PLPPR3: variants seen among roughly 807,000 people sequenced by gnomAD.
PLPPR3 encodes phospholipid phosphatase related 3, also known as phospholipid phosphatase-related protein type 3.
A neutral mutation model predicts 27.3 loss-of-function variants in PLPPR3; 14 were observed. That is an observed-to-expected ratio of 0.51 (90% confidence interval 0.34 to 0.80). PLPPR3 has a LOEUF of 0.80. Ranked by LOEUF, PLPPR3 falls within the 30% of genes least tolerant of loss-of-function variation. The pLI, the probability that PLPPR3 is intolerant of heterozygous loss-of-function variation, is 0.01. For synonymous variants in PLPPR3, 671 were observed against 508.0 expected (o/e 1.32, Z -4.32); for missense variants, 1,287 against 1,056.9 (o/e 1.22, Z -3.02).
intron 2 of PLPPR3, among the ~76,000 whole-genome samples, chr19:820,821 C>A (rs1013450687): frequency 4.0e-5 from 6 of 151,770 alleles, no homozygotes; most frequent in East Asian, 3.9e-4. Context: ...CAGTGCCCAG[C>A]CTAATTTTTG....
Position 813,008 on chromosome 19 carries a change from C to T in PLPPR3, c.1719G>A (p.Ser573=), listed in dbSNP as rs746419767. 24 of 1,516,326 alleles carry T rather than the reference C, an allele frequency of 1.6e-5. No individual in the cohort carries two copies. Among genetic ancestry groups the T allele is most frequent in the Non-Finnish European group, 2.0e-5 (23 of 1,139,768 alleles). 93.9% of individuals were successfully genotyped at this position (1,516,326 alleles called of 1,614,324 possible). The part of the protein sequence containing the change: ...SSDSSQYRSP[S]DRDSASIVTI... ...TCACGATGCTGGCGGAGTCGCGGTC[C>T]GACGGCGACCGGTACTGCGAGGAGT... Residue 573 remains serine, a synonymous_variant, in exon 8 of 8, where the codon TCG becomes TCA. Transcript: ENST00000520876. The surrounding 1 kb of genome is among the most constrained non-coding windows in gnomAD (Gnocchi z 4.1).
At chr19:819,854 T>C (rs2145082168) in intron 2 of PLPPR3, among the ~76,000 whole-genome samples, 1 of 152,210 alleles carries the variant, frequency 6.6e-6, no homozygotes, top group Middle Eastern at 3.4e-3. Flanking sequence ...AGTTATTTTA[T>C]TTTTTGAGAT....
upstream of PLPPR3, among the ~76,000 whole-genome samples, chr19:822,348 G>T (rs2035161735): frequency 1.3e-5 from 2 of 151,568 alleles, no homozygotes; most frequent in African/African-American, 2.4e-5. Flanking sequence ...TGTCTCTCAC[G>T]GTCTCTCGCC....
intron 2 of PLPPR3, among the ~76,000 whole-genome samples, chr19:821,282 C>A (rs1037027507): frequency 6.6e-6 from 1 of 151,084 alleles, no homozygotes; most frequent in Non-Finnish European, 1.5e-5. Context: ...CCTGGACCCC[C>A]CTCGGTTCCT....
chr19:816,805 CCCATCCAT>C (rs146319967), intron 2 of PLPPR3, among the ~76,000 whole-genome samples: 3 of 148,030 alleles, frequency 2.0e-5, no homozygotes, highest in East Asian at 2.0e-4. Flanking sequence ...CCCAACAGTA[CCCATCCAT>C]CCATCCATCC....
chr19:818,214 C>A (rs1052727618), intron 2 of PLPPR3, among the ~76,000 whole-genome samples: 10 of 152,072 alleles, frequency 6.6e-5, no homozygotes, highest in Non-Finnish European at 1.2e-4. Flanking sequence ...GAAACCCCAT[C>A]TCTACTAAAA....
intron 2 of PLPPR3, among the ~76,000 whole-genome samples, chr19:819,507 C>G (rs540638564): frequency 1.3e-5 from 2 of 151,958 alleles, no homozygotes; most frequent in East Asian, 3.9e-4. Context: ...CCAGGCTGGT[C>G]TCGAACTCCT....
chr19:814,513 G>C lies in PLPPR3; in HGVS notation c.752C>G (p.Thr251Arg), dbSNP rs780246897. 2 of 1,611,298 alleles carry C rather than the reference G, an allele frequency of 1.2e-6. No homozygotes were observed. The highest frequency in any genetic ancestry group is 1.7e-6 in the Non-Finnish European group (2 of 1,179,910). Residue 251 changes from threonine to arginine, a missense_variant, in exon 7 of 8, where the codon ACG (threonine) becomes AGG (arginine). Thr to Arg is a moderately conservative substitution (Grantham distance 71). Transcript: ENST00000520876. The part of the protein sequence containing the change: ...FAIAAGVCGL[T>R]QITQYRSHPV... ...GTGGCTGCGGTACTGCGTGATCTGC[G>C]TGAGCCCGCATACGCCCGCGGCGAT...
At chr19:818,428 C>A (rs187838904) in intron 2 of PLPPR3, among the ~76,000 whole-genome samples, 1 of 152,000 alleles carries the variant, frequency 6.6e-6, no homozygotes, top group Non-Finnish European at 1.5e-5. Flanking sequence ...AGGCCGACCG[C>A]AGTGGCTCAC....
rs775914929 is a variant in PLPPR3 at position 812,601 on chromosome 19, C to T, written c.2126G>A (p.Arg709His). The T allele has an allele frequency of 1.8e-5, 20 of 1,104,062 alleles. No individual in the cohort carries two copies. The highest frequency in any genetic ancestry group is 3.5e-5 in the African/African-American group (2 of 56,716). The allele number at this position is 1,104,062 out of a possible 1,614,324, so 68.4% of individuals were successfully genotyped here. A position where few individuals can be genotyped will look rare whatever the true frequency, so the allele number is the denominator to read the frequency against. The change falls in exon 8 of 8, where the codon CGC (arginine) becomes CAC (histidine). Residue 709 changes from arginine to histidine, a missense_variant. Coordinates refer to ENST00000520876, the MANE Select transcript of PLPPR3 (RefSeq NM_001270366.2). Reference protein sequence around the residue: ...EAEAEAEGYFRKMQARRFPD With the variant: ...EAEAEAEGYFHKMQARRFPD ...GGGGAAGCGGCGCGCCTGCATCTTG[C>T]GGAAGTAGCCCTCGGCCTCCGCCTC...
At position 813,361 on chromosome 19, in the gene PLPPR3, C is replaced by A; in HGVS notation, c.1366G>T (p.Glu456Ter). ...EEDEEEEEEE[E>*]EEEDEGPAPP... is the part of the protein sequence containing the mutation. Reference sequence around the variant, plus strand: ...GCCGGGCCCTCGTCCTCCTCCTCTTCCTCCTCCTCCTCTTCCTCTTCGTCC... The same window carrying A: ...GCCGGGCCCTCGTCCTCCTCCTCTTACTCCTCCTCCTCTTCCTCTTCGTCC... The change falls in exon 8 of 8, where the codon GAA (glutamate) becomes TAA (stop). Residue 456 changes from glutamate (E) to a stop codon, truncating the protein, a stop_gained. Transcript: ENST00000520876. LOFTEE classifies it low-confidence loss of function (END_TRUNC). The surrounding 1 kb of genome is among the most constrained non-coding windows in gnomAD (Gnocchi z 4.1). 1.4e-6 allele frequency: 2 copies of A among 1,479,928 alleles called. No individual in the cohort carries two copies. The highest frequency in any genetic ancestry group is 1.3e-5 in the South Asian group (1 of 75,928). 91.7% of individuals were successfully genotyped at this position (1,479,928 alleles called of 1,614,324 possible).
At position 812,617 on chromosome 19, in the gene PLPPR3, C is replaced by T. The variant is rs1222126305; in HGVS notation, c.2110G>A (p.Ala704Thr). Residue 704 changes from alanine (A) to threonine (T), a missense_variant, in exon 8 of 8, where the codon GCC becomes ACC. Transcript: ENST00000520876. ...GLAEREAEAE[A>T]EGYFRKMQAR... is the part of the protein sequence containing the mutation. The stretch of plus-strand genomic sequence containing the variant: ...TGCATCTTGCGGAAGTAGCCCTCGG[C>T]CTCCGCCTCCGCCTCGCGCTCCGCC... The T allele has an allele frequency of 1.8e-6, 2 of 1,115,912 alleles. No individual in the cohort carries two copies. The highest frequency in any genetic ancestry group is 2.0e-5 in the South Asian group (1 of 49,084). 69.1% of individuals were successfully genotyped at this position (1,115,912 alleles called of 1,614,324 possible).
upstream of PLPPR3, among the ~76,000 whole-genome samples, chr19:823,120 AAAAC>A (rs34107870): frequency 0.11 from 16,176 of 148,308 alleles, 1,049 homozygotes; most frequent in South Asian, 0.2. Context: ...ACTCTGTCTC[AAAAC>A]AAACAAACAA....
chr19:813,712 C>G lies in PLPPR3; in HGVS notation c.1015G>C (p.Val339Leu). 6.6e-7 allele frequency: 1 copy of G among 1,524,972 alleles called. No homozygotes were observed. Among genetic ancestry groups the G allele is most frequent in the African/African-American group, 1.4e-5 (1 of 72,354 alleles). The allele number at this position is 1,524,972 out of a possible 1,614,324, so 94.5% of individuals were successfully genotyped here. Reference protein sequence around the residue: ...PGRLEGAPRPVAREKTSLGSL... With the variant: ...PGRLEGAPRPLAREKTSLGSL... ...CCCAGCGAGGTCTTCTCGCGGGCCA[C>G]GGGCCGGGGCGCGCCCTCCAGCCGC... Residue 339 changes from valine (V) to leucine (L), a missense_variant, in exon 8 of 8, where the codon GTG becomes CTG. Val to Leu is a conservative substitution (Grantham distance 32, BLOSUM62 1). Transcript: ENST00000520876. This position sits in a 1 kb window ranked among gnomAD's most constrained non-coding sequence, Gnocchi z 4.1.
intron 2 of PLPPR3, among the ~76,000 whole-genome samples, chr19:817,448 A>G (rs1166515864): frequency 6.6e-6 from 1 of 151,802 alleles, no homozygotes; most frequent in Non-Finnish European, 1.5e-5. Flanking sequence ...AATTTTTTGT[A>G]TTTTTAGTAG....
upstream of PLPPR3, chr19:822,117 C>G (rs1307363223): frequency 2.0e-5 from 3 of 151,648 alleles, no homozygotes; most frequent in African/African-American, 7.3e-5. Context: ...ACCGTCCCCG[C>G]CTCCCTGGCG....
At chr19:815,381 C>A in intron 3 of PLPPR3, 54 bp from the exon 4 acceptor site, 4 of 1,488,908 alleles carry the variant, frequency 2.7e-6, no homozygotes, top group Non-Finnish European at 3.6e-6. Context: ...AGGGGGCGCT[C>A]AGGCGGGCTC....
At position 813,900 on chromosome 19, in the gene PLPPR3, C is replaced by T. The variant is rs1468340989; in HGVS notation, c.832-5G>A. ...GTTGCCCACCGCGTGGCAGGCCTGT[C>T]GGGGAGAGGGGTCTGGGGGTGAGGC... is the stretch of plus-strand genomic sequence containing the variant. On this transcript the variant is annotated splice_region_variant and splice_polypyrimidine_tract_variant and intron_variant, in intron 7 of 7. Coordinates refer to ENST00000520876, the MANE Select transcript of PLPPR3 (RefSeq NM_001270366.2). The surrounding 1 kb of genome is among the most constrained non-coding windows in gnomAD (Gnocchi z 4.1). The T allele has an allele frequency of 3.5e-6, 5 of 1,427,992 alleles. No homozygotes were observed. Among genetic ancestry groups the T allele is most frequent in the East Asian group, 2.7e-5 (1 of 37,404 alleles). The allele number at this position is 1,427,992 out of a possible 1,614,324, so 88.5% of individuals were successfully genotyped here.
In PLPPR3 at chr19:813,840, G is replaced by C; in HGVS notation, c.887C>G (p.Pro296Arg). ...CCGCAGCGCGTCCTTGGCGGGGGCC[G>C]GGGCCGCGGGCTTCTCTGCAGGTGG... ...QAPPAEKPAA[P>R]APAKDALRAL... is the part of the protein sequence containing the mutation. Residue 296 changes from proline to arginine, a missense_variant, in exon 8 of 8, where the codon CCG becomes CGG. Coordinates refer to ENST00000520876, the MANE Select transcript of PLPPR3 (RefSeq NM_001270366.2). This position sits in a 1 kb window ranked among gnomAD's most constrained non-coding sequence, Gnocchi z 4.1. 1.4e-6 allele frequency: 2 copies of C among 1,471,412 alleles called. No individual in the cohort carries two copies. Among genetic ancestry groups the C allele is most frequent in the South Asian group, 1.4e-5 (1 of 73,514 alleles). 91.1% of individuals were successfully genotyped at this position (1,471,412 alleles called of 1,614,324 possible).
Sources: allele counts gnomAD v4.1 joint callset (sites outside exome capture counted in the v4.1 genomes callset), GRCh38; gene constraint gnomAD v4.1.1; non-coding constraint Gnocchi (gnomAD v3.1); transcripts MANE v1.5; gene names NCBI Gene and HGNC (gene_info 2026-07-23, HGNC 2026-07-21).